TANC2: variants seen among roughly 807,000 people sequenced by gnomAD.
The protein encoded by TANC2 is protein TANC2.
TANC2 carries 26 observed loss-of-function variants against 210.5 expected under a neutral mutation model. That is an observed-to-expected ratio of 0.12 (90% CI 0.09 to 0.17). TANC2 has a LOEUF of 0.17. Ranked by LOEUF, TANC2 falls within the 10% of genes least tolerant of loss-of-function variation. The pLI is 1.00. For synonymous variants in TANC2, 931 were observed against 967.1 expected, an observed-to-expected ratio of 0.96 and a Z score of 0.69; for missense variants, 2,129 against 2,608.9, an observed-to-expected ratio of 0.82 and a Z score of 4.01.
chr17:63,082,309 T>A (rs894840007), intron 3 of TANC2, among the ~76,000 whole-genome samples: 10 of 152,198 alleles, frequency 6.6e-5, no homozygotes, highest in Non-Finnish European at 1.0e-4. Context: ...AACAGTTGGA[T>A]AAGAAATTAT....
chr17:63,082,488 A>G (rs537319441), intron 3 of TANC2, among the ~76,000 whole-genome samples: 3 of 152,364 alleles, frequency 2.0e-5, no homozygotes, highest in Admixed American at 2.0e-4. Flanking sequence ...AAACCTTCAC[A>G]CTATAAACAC....
chr17:63,096,508 G>A (rs886324646), intron 3 of TANC2, among the ~76,000 whole-genome samples: 2 of 152,140 alleles, frequency 1.3e-5, no homozygotes, highest in Non-Finnish European at 2.9e-5. Context: ...TACAAATGTG[G>A]TCTTTTGTGT....
intron 1 of TANC2, among the ~76,000 whole-genome samples, chr17:62,997,384 T>A (rs1373258039): frequency 1.3e-5 from 2 of 152,306 alleles, no homozygotes; most frequent in East Asian, 3.9e-4. Context: ...TTAGTGTGTG[T>A]GTGTTGTATT....
At chr17:63,057,361 G>T (rs1251884097) in intron 2 of TANC2, among the ~76,000 whole-genome samples, 1 of 152,082 alleles carries the variant, frequency 6.6e-6, no homozygotes. Flanking sequence ...AGATGCCATA[G>T]ATTTCTGTTT....
intron 7 of TANC2, among the ~76,000 whole-genome samples, chr17:63,208,730 A>G (rs557842299): frequency 6.6e-6 from 1 of 152,166 alleles, no homozygotes; most frequent in Non-Finnish European, 1.5e-5. Context: ...GGTCTGGTAT[A>G]TCCTTTCAAA....
chr17:63,306,964 G>GC (rs2044933246), intron 9 of TANC2, among the ~76,000 whole-genome samples: 1 of 152,112 alleles, frequency 6.6e-6, no homozygotes, highest in African/African-American at 2.4e-5. Context: ...AAAATGATGA[G>GC]CAGTAGGGAA....
At chr17:63,306,623 A>C (rs565958198) in intron 9 of TANC2, among the ~76,000 whole-genome samples, 4 of 152,330 alleles carry the variant, frequency 2.6e-5, no homozygotes, top group Non-Finnish European at 4.4e-5. Context: ...ATTTATGATA[A>C]ATTCTCCAAG....
intron 8 of TANC2, among the ~76,000 whole-genome samples, chr17:63,247,315 T>A (rs2042944475): frequency 2.0e-5 from 3 of 152,062 alleles, no homozygotes; most frequent in African/African-American, 7.2e-5. Context: ...GACCATGTTT[T>A]TCATGTCACT....
At chr17:63,119,078 G>A (rs965799642) in intron 4 of TANC2, among the ~76,000 whole-genome samples, 2 of 151,768 alleles carry the variant, frequency 1.3e-5, no homozygotes, top group East Asian at 1.9e-4. Flanking sequence ...CACCACACCC[G>A]GCCCTCCAAC....
chr17:63,129,962 C>T (rs539996282), intron 4 of TANC2, among the ~76,000 whole-genome samples: 51 of 151,972 alleles, frequency 3.4e-4, no homozygotes, highest in African/African-American at 1.2e-3. Flanking sequence ...GACAACAACA[C>T]GTAAGAACAA....
intron 19 of TANC2, among the ~76,000 whole-genome samples, chr17:63,402,245 C>T (rs767271795): frequency 3.3e-5 from 5 of 152,160 alleles, no homozygotes; most frequent in Non-Finnish European, 5.9e-5. Flanking sequence ...CATCTTTCAG[C>T]ATCTAACTCA....
At position 63,225,713 on chromosome 17, in the gene TANC2, C is replaced by A. The variant is rs570990209; in HGVS notation, c.770-12101C>A. ...TTACATCTAATCAAATTATCAAGTCCATTCATTATTTTTCATCTCCTTTGT... is the reference window on the plus strand; with the variant it reads ...TTACATCTAATCAAATTATCAAGTCAATTCATTATTTTTCATCTCCTTTGT... On this transcript the variant is annotated intron_variant, in intron 7 of 27. Transcript: ENST00000689528. Among the ~76,000 whole-genome samples, 12 of 152,240 alleles carry A rather than the reference C, an allele frequency of 7.9e-5. No individual in the cohort carries two copies. The South Asian group carries it at 2.3e-3, about 29-fold the overall frequency.
In TANC2 at chr17:63,265,533, G is replaced by C. The variant is rs1484250519; in HGVS notation, c.1034-2215G>C. ...GGACTCATATAATGACTAATGTTTT[G>C]TAACTACTTAGTAAGTGTTTTAGGT... On this transcript the variant is annotated intron_variant, in intron 8 of 27. Coordinates refer to ENST00000689528, the Ensembl canonical transcript of TANC2. 2.0e-5 allele frequency among the ~76,000 whole-genome samples: 3 copies of C among 152,134 alleles called. No homozygotes were observed. The South Asian group carries it at 6.2e-4, about 31-fold the overall frequency.
intron 9 of TANC2, among the ~76,000 whole-genome samples, chr17:63,299,068 C>T (rs1233033718): frequency 3.3e-5 from 5 of 152,122 alleles, no homozygotes; most frequent in African/African-American, 1.2e-4. Context: ...TGATGTCTTC[C>T]AGCTTCATCT....
At chr17:63,047,005 C>G (rs756455817) in intron 2 of TANC2, among the ~76,000 whole-genome samples, 1 of 152,016 alleles carries the variant, frequency 6.6e-6, no homozygotes, top group Non-Finnish European at 1.5e-5. Flanking sequence ...GTAGCTGTCT[C>G]TCTATATAGG....
At chr17:63,130,426 C>T (rs969206886) in intron 4 of TANC2, among the ~76,000 whole-genome samples, 2 of 151,688 alleles carry the variant, frequency 1.3e-5, no homozygotes, top group African/African-American at 2.4e-5. Context: ...GCAGGAGAAT[C>T]GCTTGAACCT....
chr17:63,110,816 T>G (rs2038010197), intron 4 of TANC2, among the ~76,000 whole-genome samples: 1 of 152,140 alleles, frequency 6.6e-6, no homozygotes, highest in African/African-American at 2.4e-5. Context: ...AAGGGTTGAG[T>G]AATGGATTGT....
chr17:62,994,036 A>G lies in TANC2; in HGVS notation c.-23-15501A>G, dbSNP rs374776797. ...TTTGGTGTATTCTTTAGGATTTTCT[A>G]CATATGAGGTCATGTCATTTGTGAA... On this transcript the variant is annotated intron_variant, in intron 1 of 27. Coordinates refer to ENST00000689528, the Ensembl canonical transcript of TANC2. Among the ~76,000 whole-genome samples the G allele has an allele frequency of 2.0e-5, 3 of 152,224 alleles. No individual in the cohort carries two copies. The East Asian group carries it at 5.8e-4, about 29-fold the overall frequency.
chr17:63,299,664 T>G (rs1454321408), intron 9 of TANC2, among the ~76,000 whole-genome samples: 4 of 152,114 alleles, frequency 2.6e-5, no homozygotes, highest in Non-Finnish European at 4.4e-5. Flanking sequence ...TTAAGTTCCT[T>G]GTAGATTCTG....
Sources: allele counts gnomAD v4.1 joint callset (sites outside exome capture counted in the v4.1 genomes callset), GRCh38; gene constraint gnomAD v4.1.1; transcripts MANE v1.5; gene names NCBI Gene and HGNC (gene_info 2026-07-23, HGNC 2026-07-21).